Variants in OSMR observed in about 807,000 individuals in gnomAD.
OSMR encodes oncostatin-M-specific receptor subunit beta.
In OSMR, 81 loss-of-function variants were observed where a neutral mutation model predicts 99.9. The ratio of observed to expected loss-of-function variants is 0.81; its 90% CI spans 0.68 to 0.97. The LOEUF is 0.97. Ranked by LOEUF, OSMR falls within the 50% of genes least tolerant of loss-of-function variation. OSMR has a pLI of 0.00. For missense variants in OSMR, 1,099 were observed against 1,153.4 expected, an observed-to-expected ratio of 0.95 and a Z score of 0.68; for synonymous variants, 406 against 410.4, an observed-to-expected ratio of 0.99 and a Z score of 0.13.
At chr5:38,887,681 T>G (rs1743877538) in intron 7 of OSMR, among the ~76,000 whole-genome samples, 1 of 152,168 alleles carries the variant, frequency 6.6e-6, no homozygotes, top group South Asian at 2.1e-4. Flanking sequence ...CCATACTCTT[T>G]TATGTAAAAC....
At chr5:38,873,106 C>A (rs1742522237) in intron 2 of OSMR, among the ~76,000 whole-genome samples, 1 of 152,246 alleles carries the variant, frequency 6.6e-6, no homozygotes, top group South Asian at 2.1e-4. Context: ...ATTCCCCTCT[C>A]TCTCAGCCCC....
intron 9 of OSMR, among the ~76,000 whole-genome samples, chr5:38,912,576 C>CA (rs1745654742): frequency 6.6e-6 from 1 of 151,848 alleles, no homozygotes; most frequent in African/African-American, 2.4e-5. Context: ...AAAAACTATT[C>CA]AAAAAATTGA....
chr5:38,945,159 A>C (rs1004904775), downstream of OSMR: 8 of 929,756 alleles, frequency 8.6e-6, no homozygotes, highest in Non-Finnish European at 1.1e-5. Flanking sequence ...AATATAAAAT[A>C]ACATCTTCTC....
At chr5:38,939,087 T>C, downstream of OSMR, 1 of 233,134 alleles carries the variant, frequency 4.3e-6, no homozygotes, top group Non-Finnish European at 8.5e-6. Context: ...ACTGCAGTTA[T>C]AATTTGAATG....
intron 9 of OSMR, among the ~76,000 whole-genome samples, chr5:38,907,468 G>A (rs1037744026): frequency 1.3e-5 from 2 of 152,180 alleles, no homozygotes; most frequent in African/African-American, 4.8e-5. Context: ...CCCAAGCCTT[G>A]CCTTGCTCCT....
At chr5:38,864,697 T>C (rs891018106) in intron 1 of OSMR, among the ~76,000 whole-genome samples, 3 of 152,176 alleles carry the variant, frequency 2.0e-5, no homozygotes, top group Non-Finnish European at 2.9e-5. Context: ...CTCCCTGTCT[T>C]TGACTTTTGA....
intron 2 of OSMR, 77 bp from the exon 3 acceptor site, chr5:38,876,124 T>C: frequency 6.3e-7 from 1 of 1,576,994 alleles, no homozygotes; most frequent in South Asian, 1.1e-5. Flanking sequence ...AATGATGATA[T>C]TCAAGTTTAA....
chr5:38,925,007 T>C (rs941961437), intron 14 of OSMR, 197 bp from the exon 15 acceptor site: 1 of 906,110 alleles, frequency 1.1e-6, no homozygotes, highest in Non-Finnish European at 1.3e-6. Context: ...ATTTTTTGCT[T>C]TTTGTGCCAT....
chr5:38,932,447 TC>T lies in OSMR; in HGVS notation c.2295-15del. On this transcript the variant is annotated splice_polypyrimidine_tract_variant and intron_variant, in intron 16 of 17. Coordinates refer to ENST00000274276, the MANE Select transcript of OSMR (RefSeq NM_003999.3). ...TGTACTGTGAAATTCAGTCTCATTTTCGCTTTTTTTTCTAGGATCAAGGAGA... is the reference window on the plus strand; with the variant it reads ...TGTACTGTGAAATTCAGTCTCATTTTGCTTTTTTTTCTAGGATCAAGGAGA... 1 of 1,605,564 alleles carries T rather than the reference TC, an allele frequency of 6.2e-7. No homozygotes were observed. Among genetic ancestry groups the T allele is most frequent in the Middle Eastern group, 1.7e-4 (1 of 6,046 alleles).
chr5:38,931,053 T>G (rs746937940), intron 15 of OSMR, among the ~76,000 whole-genome samples: 1 of 152,114 alleles, frequency 6.6e-6, no homozygotes, highest in South Asian at 2.1e-4. Flanking sequence ...TTGTCAGGGT[T>G]TCCTACCATT....
At chr5:38,919,460 A>T in intron 11 of OSMR, 1 of 762,722 alleles carries the variant, frequency 1.3e-6, no homozygotes, top group South Asian at 1.7e-5. Context: ...TTGCACCTGG[A>T]AAGAGTCCAT....
intron 7 of OSMR, among the ~76,000 whole-genome samples, chr5:38,890,236 G>A (rs1744065267): frequency 6.6e-6 from 1 of 152,204 alleles, no homozygotes; most frequent in African/African-American, 2.4e-5. Context: ...GAGCTTTGTA[G>A]AAGTGCAGAA....
intron 7 of OSMR, among the ~76,000 whole-genome samples, chr5:38,901,028 A>T (rs1744856827): frequency 6.6e-6 from 1 of 152,272 alleles, no homozygotes; most frequent in African/African-American, 2.4e-5. Context: ...TTCTTCTGAC[A>T]ACATGGCTAG....
rs182765552 is a variant in OSMR at position 38,859,930 on chromosome 5, G to T, written c.-13-9102G>T. Among the ~76,000 whole-genome samples the T allele has an allele frequency of 2.8e-4, 42 of 152,170 alleles. No homozygotes were observed. The East Asian group carries it at 7.3e-3, about 27-fold the overall frequency. ...CTACTAGTTTTTCTATGTTGATTTT[G>T]TATTCTAAAACTTTACTGAATTCAT... On this transcript the variant is annotated intron_variant, in intron 1 of 17. Coordinates refer to ENST00000274276, the MANE Select transcript of OSMR (RefSeq NM_003999.3).
intron 15 of OSMR, among the ~76,000 whole-genome samples, chr5:38,928,440 A>C (rs1459488150): frequency 6.6e-6 from 1 of 152,168 alleles, no homozygotes; most frequent in East Asian, 1.9e-4. Context: ...GGCCTCACGA[A>C]ACTTATAATT....
intron 1 of OSMR, among the ~76,000 whole-genome samples, chr5:38,860,951 G>A (rs1228567777): frequency 6.6e-6 from 1 of 152,138 alleles, no homozygotes; most frequent in East Asian, 1.9e-4. Context: ...GGGATTACAG[G>A]CGTGATTAGG....
chr5:38,904,319 C>T, intron 8 of OSMR, 34 bp from the exon 9 acceptor site: 1 of 1,602,490 alleles, frequency 6.2e-7, no homozygotes, highest in East Asian at 2.3e-5. Flanking sequence ...GTTCTTTTCT[C>T]TTTTTTCTTT....
rs1263703512 is a variant in OSMR, at chr5:38,885,408, T to C, written c.763T>C (p.Cys255Arg). The change falls in exon 6 of 18, where the codon TGT becomes CGT. Residue 255 changes from cysteine (C) to arginine (R), a missense_variant. Coordinates refer to ENST00000274276, the MANE Select transcript of OSMR (RefSeq NM_003999.3). ...AACCGAGGACTTCAAGACTTTGCAC[T>C]GTACTTGGGATCCTGGGACGGACAC... Reference protein sequence around the residue: ...CETEDFKTLHCTWDPGTDTAL... With the variant: ...CETEDFKTLHRTWDPGTDTAL... The C allele has an allele frequency of 6.2e-7, 1 of 1,613,976 alleles. No homozygotes were observed. The highest frequency in any genetic ancestry group is 8.5e-7 in the Non-Finnish European group (1 of 1,179,858).
intron 1 of OSMR, among the ~76,000 whole-genome samples, chr5:38,847,678 G>T (rs1429335000): frequency 1.3e-5 from 2 of 151,512 alleles, no homozygotes; most frequent in African/African-American, 4.9e-5. Flanking sequence ...TACTCAGTTT[G>T]TTTTCCCCGT....
Sources: gnomAD v4.1 joint callset for allele counts (sites outside exome capture counted in the v4.1 genomes callset) on GRCh38, gnomAD v4.1.1 for gene constraint, MANE v1.5 for transcripts, NCBI Gene and HGNC (gene_info 2026-07-23, HGNC 2026-07-21) for gene names.